The following KIRREL3 variants were observed in gnomAD, a reference collection of about 807,000 sequenced individuals.
KIRREL3 encodes the protein kirre like nephrin family adhesion molecule 3, also known as kin of IRRE-like protein 3.
A neutral mutation model predicts 89.7 loss-of-function variants in KIRREL3; 36 were observed. The ratio of observed to expected loss-of-function variants is 0.40; its 90% confidence interval spans 0.31 to 0.53. The LOEUF (loss-of-function observed/expected upper bound fraction) is 0.53. Among genes scored for constraint, KIRREL3 ranks in the 20% least tolerant of loss-of-function variants. The pLI, the probability that KIRREL3 is intolerant of heterozygous loss-of-function variation, is 0.49. For missense variants in KIRREL3, 864 were observed against 1,056.6 expected, an observed-to-expected ratio of 0.82 and a Z score of 2.53; for synonymous variants, 445 against 441.4, an observed-to-expected ratio of 1.01 and a Z score of -0.10.
rs573963307 is a variant in KIRREL3, at chr11:126,611,685, G to A, written c.56-48773C>T. On this transcript the variant is annotated intron_variant, in intron 1 of 16. Transcript: ENST00000525144. The surrounding 1 kb of genome is among the most constrained non-coding windows in gnomAD (Gnocchi z 4.7). ...TGGCTGCTCTCTGGGCTGCACGCAC[G>A]TTGGGTTCACTGATCGCAGAGTCTT... is the stretch of plus-strand genomic sequence containing the variant. Among the ~76,000 whole-genome samples, 185 of 152,278 alleles carry A rather than the reference G, an allele frequency of 1.2e-3. 5 individuals are homozygous for A. In the South Asian group the frequency reaches 0.034, roughly 28 times the overall value.
intron 1 of KIRREL3, among the ~76,000 whole-genome samples, chr11:126,873,520 C>T (rs1357463152): frequency 6.6e-6 from 1 of 152,138 alleles, no homozygotes; most frequent in Non-Finnish European, 1.5e-5. Context: ...TTAATGATTC[C>T]CTTTGTGCAT....
intron 1 of KIRREL3, among the ~76,000 whole-genome samples, chr11:126,743,511 T>A (rs1310637650): frequency 1.3e-5 from 2 of 152,258 alleles, no homozygotes; most frequent in Non-Finnish European, 2.9e-5. Context: ...TAATTGTGAA[T>A]GCATATTGAA....
chr11:126,706,750 C>T (rs914651046), intron 1 of KIRREL3, among the ~76,000 whole-genome samples: 5 of 152,100 alleles, frequency 3.3e-5, no homozygotes, highest in Non-Finnish European at 5.9e-5. Flanking sequence ...TGTTTATCAG[C>T]TATATTTTTC....
At position 126,571,501 on chromosome 11, in the gene KIRREL3, A is replaced by C. The variant is rs1940929097; in HGVS notation, c.56-8589T>G. Among the ~76,000 whole-genome samples the C allele has an allele frequency of 6.6e-6, 1 of 152,166 alleles. No individual in the cohort carries two copies. On this transcript the variant is annotated intron_variant, in intron 1 of 16. Coordinates refer to ENST00000525144, the MANE Select transcript of KIRREL3 (RefSeq NM_032531.4). This position sits in a 1 kb window ranked among gnomAD's most constrained non-coding sequence, Gnocchi z 7.7. ...CCAGGCTCATGTAGTTCACCATCAC[A>C]ATGAAAGCTGCCATGTGCTGATTGC... is the stretch of plus-strand genomic sequence containing the variant.
Position 126,471,068 on chromosome 11 carries a change from C to T in KIRREL3, c.591+2241G>A, listed in dbSNP as rs764113766. Among the ~76,000 whole-genome samples, 1 of 152,132 alleles carries T rather than the reference C, an allele frequency of 6.6e-6. No individual in the cohort carries two copies. Among genetic ancestry groups the T allele is most frequent in the African/African-American group, 2.4e-5 (1 of 41,412 alleles). ...CAGGAGACAACTGCCGTTGAAAAGA[C>T]AGTTTGCGGCCGGGCGCAGTGGCTC... On this transcript the variant is annotated intron_variant, in intron 5 of 16. Coordinates refer to ENST00000525144, the MANE Select transcript of KIRREL3 (RefSeq NM_032531.4). This position sits in a 1 kb window ranked among gnomAD's most constrained non-coding sequence, Gnocchi z 5.4.
chr11:126,881,950 C>G (rs1945518914), intron 1 of KIRREL3, among the ~76,000 whole-genome samples: 1 of 152,298 alleles, frequency 6.6e-6, no homozygotes, highest in African/African-American at 2.4e-5. Context: ...TGCAGGGATA[C>G]AAGGCCCATT....
intron 1 of KIRREL3, among the ~76,000 whole-genome samples, chr11:126,678,613 A>AAAAG (rs1486328112): frequency 6.6e-6 from 1 of 150,600 alleles, no homozygotes; most frequent in Non-Finnish European, 1.5e-5. Context: ...AAAAAAAAAA[A>AAAAG]AAAAAAAAAA....
rs542638005 is a variant in KIRREL3, at chr11:126,703,513, T to G, written c.56-140601A>C. Among the ~76,000 whole-genome samples the G allele has an allele frequency of 6.4e-4, 97 of 152,352 alleles. No homozygotes were observed. Among genetic ancestry groups the G allele is most frequent in the African/African-American group, 2.3e-3 (97 of 41,588 alleles). On this transcript the variant is annotated intron_variant, in intron 1 of 16. Coordinates refer to ENST00000525144, the MANE Select transcript of KIRREL3 (RefSeq NM_032531.4). The surrounding 1 kb of genome is among the most constrained non-coding windows in gnomAD (Gnocchi z 4.6). The stretch of plus-strand genomic sequence containing the variant: ...TAAGTACTGTTATATCTCATCCCCA[T>G]TTTATAAGTGAGAACACTGAGGCCA...
rs112398725 is a variant in KIRREL3, at chr11:126,612,236, T to G, written c.56-49324A>C. Among the ~76,000 whole-genome samples, 3 of 151,732 alleles carry G rather than the reference T, an allele frequency of 2.0e-5. No individual in the cohort carries two copies. The highest frequency in any genetic ancestry group is 2.0e-4 in the Admixed American group (3 of 15,226). On this transcript the variant is annotated intron_variant, in intron 1 of 16. Transcript: ENST00000525144. This position sits in a 1 kb window ranked among gnomAD's most constrained non-coding sequence, Gnocchi z 4.5. ...GTATTATATGGACACCCTTGGCATA[T>G]AATAAATGCTCCCTCAGAATTTGAG...
chr11:126,512,024 C>T (rs560048420), intron 4 of KIRREL3, among the ~76,000 whole-genome samples: 12 of 152,308 alleles, frequency 7.9e-5, no homozygotes, highest in South Asian at 4.1e-4. Context: ...TAAACACACA[C>T]GTGGGACTGG....
chr11:126,913,649 G>A lies in KIRREL3; in HGVS notation c.55+86806C>T, dbSNP rs147910019. ...TACCTAACTCTGACCTTCTGGTTAT[G>A]CTAGTCAACAAAATTGCTTATTGCT... On this transcript the variant is annotated intron_variant, in intron 1 of 16. Transcript: ENST00000525144. 4.6e-5 allele frequency among the ~76,000 whole-genome samples: 7 copies of A among 152,344 alleles called. No homozygotes were observed. The East Asian group carries it at 1.2e-3, about 25-fold the overall frequency.
Position 126,734,928 on chromosome 11 carries a change from T to C in KIRREL3, c.56-172016A>G, listed in dbSNP as rs1241075224. On this transcript the variant is annotated intron_variant, in intron 1 of 16. Transcript: ENST00000525144. The surrounding 1 kb of genome is among the most constrained non-coding windows in gnomAD (Gnocchi z 5.9). ...TTGTGGTTGGAACGGTGCTGTCTTC[T>C]GGTCCAGCTGTGCCTGGCTCCGACC... is the stretch of plus-strand genomic sequence containing the variant. Among the ~76,000 whole-genome samples the C allele has an allele frequency of 1.3e-5, 2 of 152,198 alleles. No homozygotes were observed. Among genetic ancestry groups the C allele is most frequent in the African/African-American group, 2.4e-5 (1 of 41,450 alleles).
rs1422378015 is a variant in KIRREL3, at chr11:126,492,583, C to T, written c.434-19117G>A. Among the ~76,000 whole-genome samples the T allele has an allele frequency of 6.6e-6, 1 of 152,172 alleles. No homozygotes were observed. Among genetic ancestry groups the T allele is most frequent in the Admixed American group, 6.5e-5 (1 of 15,290 alleles). Reference sequence around the variant, plus strand: ...GGATGAGGCTGCCAATTGCCACCGCCACACAGCAAGCGTCACCTCAGCTGT... The same window carrying T: ...GGATGAGGCTGCCAATTGCCACCGCTACACAGCAAGCGTCACCTCAGCTGT... On this transcript the variant is annotated intron_variant, in intron 4 of 16. Transcript: ENST00000525144. The surrounding 1 kb of genome is among the most constrained non-coding windows in gnomAD (Gnocchi z 4.8).
At chr11:126,662,204 C>T (rs551219191) in intron 1 of KIRREL3, among the ~76,000 whole-genome samples, 1 of 152,270 alleles carries the variant, frequency 6.6e-6, no homozygotes, top group South Asian at 2.1e-4. Context: ...TGAATGGCAG[C>T]ATTAGGGACC....
In KIRREL3 at chr11:126,997,794, G is replaced by A. The variant is rs1054861450; in HGVS notation, c.55+2661C>T. On this transcript the variant is annotated intron_variant, in intron 1 of 16. Coordinates refer to ENST00000525144, the MANE Select transcript of KIRREL3 (RefSeq NM_032531.4). This position sits in a 1 kb window ranked among gnomAD's most constrained non-coding sequence, Gnocchi z 4.3. Reference sequence around the variant, plus strand: ...GAATCTTGTTCCCAGAAACTCCTAAGTGCCATGCAGATTCCCACTGTGAGA... The same window carrying A: ...GAATCTTGTTCCCAGAAACTCCTAAATGCCATGCAGATTCCCACTGTGAGA... Among the ~76,000 whole-genome samples the A allele has an allele frequency of 1.3e-5, 2 of 152,180 alleles. No individual in the cohort carries two copies. The highest frequency in any genetic ancestry group is 2.4e-5 in the African/African-American group (1 of 41,430).
chr11:126,451,087 G>GTA, intron 7 of KIRREL3, among the ~76,000 whole-genome samples: 1 of 147,352 alleles, frequency 6.8e-6, no homozygotes. Flanking sequence ...GTGCGTGTGT[G>GTA]CATATGTGTC....
Position 126,578,595 on chromosome 11 carries a change from TG to T in KIRREL3, c.56-15684del, listed in dbSNP as rs1225093071. ...AATGTGTGACAGCATGTGGGGCACG[TG>T]GGTGAGCGTGTATGCATGTACACAG... is the stretch of plus-strand genomic sequence containing the variant. On this transcript the variant is annotated intron_variant, in intron 1 of 16. Coordinates refer to ENST00000525144, the MANE Select transcript of KIRREL3 (RefSeq NM_032531.4). The surrounding 1 kb of genome is among the most constrained non-coding windows in gnomAD (Gnocchi z 4.9). Among the ~76,000 whole-genome samples, 13 of 152,066 alleles carry T rather than the reference TG, an allele frequency of 8.5e-5. No individual in the cohort carries two copies.
rs684355 is a variant in KIRREL3, at chr11:126,627,019, A to C, written c.56-64107T>G. 3.3e-3 allele frequency among the ~76,000 whole-genome samples: 501 copies of C among 150,380 alleles called. 6 individuals carry two copies. The highest frequency in any genetic ancestry group is 0.012 in the African/African-American group (473 of 40,824). On this transcript the variant is annotated intron_variant, in intron 1 of 16. Coordinates refer to ENST00000525144, the MANE Select transcript of KIRREL3 (RefSeq NM_032531.4). The surrounding 1 kb of genome is among the most constrained non-coding windows in gnomAD (Gnocchi z 5.0). ...CTGTCTCAAGAAAAAAAAAAAACAAAAAAAAAAGAATAACCACAGTTTTGA... is the reference window on the plus strand; with the variant it reads ...CTGTCTCAAGAAAAAAAAAAAACAACAAAAAAAGAATAACCACAGTTTTGA...
At chr11:126,963,127 T>C (rs897758212) in intron 1 of KIRREL3, among the ~76,000 whole-genome samples, 3 of 152,164 alleles carry the variant, frequency 2.0e-5, no homozygotes, top group East Asian at 1.9e-4. Context: ...TATTCCTGTG[T>C]TTGGAAAGAT....
Sources: allele counts gnomAD v4.1 joint callset (sites outside exome capture counted in the v4.1 genomes callset), GRCh38; gene constraint gnomAD v4.1.1; non-coding constraint Gnocchi (gnomAD v3.1); transcripts MANE v1.5; gene names NCBI Gene and HGNC (gene_info 2026-07-23, HGNC 2026-07-21).